The following C21orf91 variants were observed in gnomAD, a reference collection of about 807,000 sequenced individuals.
The protein encoded by C21orf91 is protein EURL homolog.
In C21orf91, 26 loss-of-function variants were observed where a neutral mutation model predicts 32.9. The observed-to-expected ratio is 0.79, with a 90% CI of 0.58 to 1.10. The LOEUF is 1.10. Ranked by LOEUF, C21orf91 falls within the 50% of genes least tolerant of loss-of-function variation. The pLI, the probability that C21orf91 is intolerant of heterozygous loss-of-function variation, is 0.00. For missense variants in C21orf91, 310 were observed against 341.3 expected (o/e 0.91, Z 0.72); for synonymous variants, 126 against 120.4 (o/e 1.05, Z -0.31).
At chr21:17,805,557 A>G (rs549907247) in intron 2 of C21orf91, among the ~76,000 whole-genome samples, 1 of 152,100 alleles carries the variant, frequency 6.6e-6, no homozygotes, top group Admixed American at 6.5e-5. Context: ...CAGGTGACCC[A>G]CTCACCTCGG....
At chr21:17,795,092 G>T in intron 4 of C21orf91, 116 bp downstream of exon 4, 1 of 754,416 alleles carries the variant, frequency 1.3e-6, no homozygotes, top group Non-Finnish European at 2.4e-6. Flanking sequence ...ACTCTAACAG[G>T]TTTGAATATC....
chr21:17,798,982 T>G (rs866783212), intron 2 of C21orf91, among the ~76,000 whole-genome samples: 13 of 152,344 alleles, frequency 8.5e-5, no homozygotes, highest in African/African-American at 3.1e-4. Context: ...CAAACTCTTT[T>G]AGGTCTTGTT....
At chr21:17,805,994 G>A (rs931528484) in intron 2 of C21orf91, among the ~76,000 whole-genome samples, 5 of 152,052 alleles carry the variant, frequency 3.3e-5, no homozygotes, top group African/African-American at 1.2e-4. Flanking sequence ...GATAGACAAG[G>A]GTAAAAAGAT....
In C21orf91 at chr21:17,793,587, A is replaced by C. The variant is rs1395389586; in HGVS notation, c.728-6T>G. The C allele has an allele frequency of 1.3e-6, 2 of 1,592,052 alleles. No individual in the cohort carries two copies. The highest frequency in any genetic ancestry group is 1.7e-6 in the Non-Finnish European group (2 of 1,165,856). ...AGTTAACTCTTCAAAAACTTCTGTAAAAGATTTAAAAACTTTCATTTTTAG... is the reference window on the plus strand; with the variant it reads ...AGTTAACTCTTCAAAAACTTCTGTACAAGATTTAAAAACTTTCATTTTTAG... On this transcript the variant is annotated splice_region_variant and splice_polypyrimidine_tract_variant and intron_variant, in intron 4 of 4. Transcript: ENST00000284881.
In C21orf91 at chr21:17,791,803, C is replaced by G. The variant is rs1265484580; in HGVS notation, c.*1612G>C. 1 of 152,060 alleles carries G rather than the reference C, an allele frequency of 6.6e-6. No individual in the cohort carries two copies. Among genetic ancestry groups the G allele is most frequent in the Non-Finnish European group, 1.5e-5 (1 of 67,952 alleles). The allele number at this position is 152,060 out of a possible 1,614,324, so 9.4% of individuals were successfully genotyped here. ...CATGACTTAAAGAATTGAGAGAAAT[C>G]GAAAGCATCTTTCAAAAATTCCCTC... On this transcript the variant is annotated 3_prime_UTR_variant, in exon 5 of 5. Coordinates refer to ENST00000284881, the MANE Select transcript of C21orf91 (RefSeq NM_001100420.2).
intron 2 of C21orf91, among the ~76,000 whole-genome samples, 163 bp from the exon 3 acceptor site, chr21:17,797,281 T>C (rs1255261296): frequency 6.6e-6 from 1 of 152,102 alleles, no homozygotes; most frequent in Non-Finnish European, 1.5e-5. Context: ...GCCTAATAAT[T>C]TCTGCTTCAA....
intron 2 of C21orf91, among the ~76,000 whole-genome samples, chr21:17,813,210 C>G (rs1417542300): frequency 1.3e-5 from 2 of 152,126 alleles, no homozygotes; most frequent in Non-Finnish European, 2.9e-5. Flanking sequence ...GGGCCCCTTA[C>G]TTAAGTGGAA....
chr21:17,808,697 G>C (rs1239951949), intron 2 of C21orf91, among the ~76,000 whole-genome samples: 3 of 152,172 alleles, frequency 2.0e-5, no homozygotes, highest in East Asian at 3.9e-4. Flanking sequence ...ATGAGACTTT[G>C]GACTGTGGAC....
chr21:17,801,339 C>T (rs926003585), intron 2 of C21orf91, among the ~76,000 whole-genome samples: 23 of 151,340 alleles, frequency 1.5e-4, no homozygotes, highest in African/African-American at 4.6e-4. Flanking sequence ...GGTGCGATCT[C>T]GGCTTACTGC....
rs531800008 is a variant in C21orf91, at chr21:17,812,637, G to A, written c.127+5555C>T. On this transcript the variant is annotated intron_variant, in intron 2 of 4. Transcript: ENST00000284881. ...ATCCTGGCTAACACGGTGAAACCCC[G>A]TCTCTACTAAAACTACAAAAAATTA... Among the ~76,000 whole-genome samples, 359 of 152,094 alleles carry A rather than the reference G, an allele frequency of 2.4e-3. 2 individuals carry two copies. The highest frequency in any genetic ancestry group is 2.3e-3 in the Non-Finnish European group (153 of 67,966).
rs1379446787 is a variant in C21orf91, at chr21:17,790,590, T to C, written c.*2825A>G. On this transcript the variant is annotated 3_prime_UTR_variant, in exon 5 of 5. Transcript: ENST00000284881. ...AACATGTGTTTTGAAAAACTAAGAA[T>C]GTGTCTTTGCTCCACCATTGTGCAT... The C allele has an allele frequency of 1.3e-5, 2 of 152,118 alleles. No homozygotes were observed. Among genetic ancestry groups the C allele is most frequent in the African/African-American group, 2.4e-5 (1 of 41,464 alleles). The allele number at this position is 152,118 out of a possible 1,614,324, so 9.4% of individuals were successfully genotyped here.
rs1192036490 is a variant in C21orf91, at chr21:17,792,103, A to G, written c.*1312T>C. 6.6e-6 allele frequency: 1 copy of G among 152,094 alleles called. No individual in the cohort carries two copies. The highest frequency in any genetic ancestry group is 1.5e-5 in the Non-Finnish European group (1 of 67,982). 9.4% of individuals were successfully genotyped at this position (152,094 alleles called of 1,614,324 possible). A position where few individuals can be genotyped will look rare whatever the true frequency, so the allele number is the denominator to read the frequency against. On this transcript the variant is annotated 3_prime_UTR_variant, in exon 5 of 5. Transcript: ENST00000284881. Reference sequence around the variant, plus strand: ...ACTTTCAAGCAAGGATCTACCTCATAAGTACATTCTAAACATGAGTTAAAA... The same window carrying G: ...ACTTTCAAGCAAGGATCTACCTCATGAGTACATTCTAAACATGAGTTAAAA...
At chr21:17,812,308 G>GA (rs903754372) in intron 2 of C21orf91, among the ~76,000 whole-genome samples, 29 of 151,140 alleles carry the variant, frequency 1.9e-4, no homozygotes, top group African/African-American at 5.6e-4. Flanking sequence ...AGGAAGTTAA[G>GA]AAAAAAAAAT....
intron 2 of C21orf91, among the ~76,000 whole-genome samples, chr21:17,806,352 A>G (rs2062593760): frequency 6.6e-6 from 1 of 152,258 alleles, no homozygotes; most frequent in South Asian, 2.1e-4. Flanking sequence ...ACTGCTCTTT[A>G]AAGAACTATG....
rs140320447 is a variant in C21orf91 at position 17,792,626 on chromosome 21, G to A, written c.*789C>T. ...GAAGCTAATAATGAAAGAAGCAAGA[G>A]GAGGCTTTCATTTCTATGGAGACAA... On this transcript the variant is annotated 3_prime_UTR_variant, in exon 5 of 5. Coordinates refer to ENST00000284881, the MANE Select transcript of C21orf91 (RefSeq NM_001100420.2). 5.9e-5 allele frequency: 9 copies of A among 152,196 alleles called. No homozygotes were observed. The highest frequency in any genetic ancestry group is 2.6e-4 in the Admixed American group (4 of 15,276). The allele number at this position is 152,196 out of a possible 1,614,324, so 9.4% of individuals were successfully genotyped here.
intron 2 of C21orf91, among the ~76,000 whole-genome samples, chr21:17,805,514 A>G (rs1323315258): frequency 6.6e-6 from 1 of 152,138 alleles, no homozygotes; most frequent in African/African-American, 2.4e-5. Context: ...GGGTTTCACC[A>G]TGTTGGCCAG....
chr21:17,812,511 T>C (rs990585893), intron 2 of C21orf91, among the ~76,000 whole-genome samples: 1 of 152,194 alleles, frequency 6.6e-6, no homozygotes, highest in African/African-American at 2.4e-5. Flanking sequence ...AGATAACTTT[T>C]GTAAGAAACC....
chr21:17,790,431 C>T lies in C21orf91; in HGVS notation c.*2984G>A, dbSNP rs2062464351. ...GTCATAAATATAGTAAAATGAAAAACCAAATCTCAAGATGCCTGTCAAGAT... is the reference window on the plus strand; with the variant it reads ...GTCATAAATATAGTAAAATGAAAAATCAAATCTCAAGATGCCTGTCAAGAT... On this transcript the variant is annotated 3_prime_UTR_variant, in exon 5 of 5. Coordinates refer to ENST00000284881, the MANE Select transcript of C21orf91 (RefSeq NM_001100420.2). 1 of 151,818 alleles carries T rather than the reference C, an allele frequency of 6.6e-6. No homozygotes were observed. Among genetic ancestry groups the T allele is most frequent in the Non-Finnish European group, 1.5e-5 (1 of 67,866 alleles). 9.4% of individuals were successfully genotyped at this position (151,818 alleles called of 1,614,324 possible). A position where few individuals can be genotyped will look rare whatever the true frequency, so the allele number is the denominator to read the frequency against.
chr21:17,797,400 C>T (rs1181484060), intron 2 of C21orf91, among the ~76,000 whole-genome samples: 2 of 151,976 alleles, frequency 1.3e-5, no homozygotes, highest in African/African-American at 4.8e-5. Flanking sequence ...AAAAATACTA[C>T]TGAACCCAGC....
Sources: allele counts gnomAD v4.1 joint callset (sites outside exome capture counted in the v4.1 genomes callset), GRCh38; gene constraint gnomAD v4.1.1; transcripts MANE v1.5; gene names NCBI Gene and HGNC (gene_info 2026-07-23, HGNC 2026-07-21).